The following GAS7 variants were observed in gnomAD, a reference collection of about 807,000 sequenced individuals.
The protein encoded by GAS7 is growth arrest specific 7.
In GAS7, 28 loss-of-function variants were observed where a neutral mutation model predicts 71.1. That is an observed-to-expected ratio of 0.39 (90% CI 0.29 to 0.54). The LOEUF is 0.54. Ranked by LOEUF, GAS7 falls within the 20% of genes least tolerant of loss-of-function variation. GAS7 has a pLI of 0.62. For missense variants in GAS7, 436 were observed against 627.8 expected (o/e 0.69, Z 3.27); for synonymous variants, 258 against 245.8 (o/e 1.05, Z -0.46).
chr17:9,973,699 A>G (rs1166450682), intron 3 of GAS7, among the ~76,000 whole-genome samples: 2 of 152,204 alleles, frequency 1.3e-5, no homozygotes, highest in Non-Finnish European at 2.9e-5. Flanking sequence ...CCTCCCCGCA[A>G]AAGGCACTGC....
chr17:10,020,128 C>G, intron 1 of GAS7: 2 of 448,212 alleles, frequency 4.5e-6, no homozygotes, highest in Non-Finnish European at 8.1e-6. Context: ...GACAGCTCCT[C>G]TGGGAGCAGA....
chr17:9,934,811 T>A (rs904837016), intron 8 of GAS7, among the ~76,000 whole-genome samples: 3 of 152,220 alleles, frequency 2.0e-5, no homozygotes, highest in African/African-American at 7.2e-5. Context: ...TCTTGGCTCA[T>A]GGCAACCTCT....
intron 2 of GAS7, among the ~76,000 whole-genome samples, chr17:10,013,162 C>T (rs1472026239): frequency 6.6e-6 from 1 of 151,782 alleles, no homozygotes; most frequent in Non-Finnish European, 1.5e-5. Flanking sequence ...TTGTCCTTTC[C>T]ACCACGTCAG....
rs2142055716 is a variant in GAS7 at position 10,103,383 on chromosome 17, G to C, written c.184-83486C>G. Among the ~76,000 whole-genome samples the C allele has an allele frequency of 6.6e-6, 1 of 152,252 alleles. No individual in the cohort carries two copies. Among genetic ancestry groups the C allele is most frequent in the African/African-American group, 2.4e-5 (1 of 41,560 alleles). ...CAACCAACCAACCCCCATGTAGTTGGTTTGCACATTTAAATTTGAGAAGCA... is the reference window on the plus strand; with the variant it reads ...CAACCAACCAACCCCCATGTAGTTGCTTTGCACATTTAAATTTGAGAAGCA... On this transcript the variant is annotated intron_variant, in intron 1 of 13. Coordinates refer to ENST00000432992, the MANE Select transcript of GAS7 (RefSeq NM_201433.2). This position sits in a 1 kb window ranked among gnomAD's most constrained non-coding sequence, Gnocchi z 5.5.
rs1567879758 is a variant in GAS7, at chr17:10,005,142, C to CAT, written c.304+14634_304+14635insAT. On this transcript the variant is annotated intron_variant, in intron 2 of 13. Transcript: ENST00000432992. ...GCACGCATACCAGCATGTGTGCGCG[C>CAT]ACGCATGCATGCATGTGTGTGCGCA... Among the ~76,000 whole-genome samples the CAT allele has an allele frequency of 3.4e-3, 247 of 73,156 alleles. 1 individual carries two copies. Among genetic ancestry groups the CAT allele is most frequent in the African/African-American group, 6.8e-3 (234 of 34,582 alleles). The allele number at this position is 73,156 out of a possible 152,430, so 48.0% of individuals were successfully genotyped here. A position where few individuals can be genotyped will look rare whatever the true frequency, so the allele number is the denominator to read the frequency against.
In GAS7 at chr17:10,011,868, A is replaced by G. The variant is rs564966590; in HGVS notation, c.304+7909T>C. On this transcript the variant is annotated intron_variant, in intron 2 of 13. Transcript: ENST00000432992. ...GCACATGCCTGTGGTCCCAGCTACTAGGGAGGCTGAGGCAGGAGAATCGCT... is the reference window on the plus strand; with the variant it reads ...GCACATGCCTGTGGTCCCAGCTACTGGGGAGGCTGAGGCAGGAGAATCGCT... 3.2e-4 allele frequency among the ~76,000 whole-genome samples: 48 copies of G among 151,640 alleles called. No individual in the cohort carries two copies. In the East Asian group the frequency reaches 7.2e-3, roughly 23 times the overall value.
At chr17:9,977,707 C>T (rs1337996243) in intron 3 of GAS7, among the ~76,000 whole-genome samples, 1 of 150,372 alleles carries the variant, frequency 6.7e-6, no homozygotes, top group East Asian at 2.0e-4. Flanking sequence ...CTAAGTAGCA[C>T]CCAACATTCA....
rs1234609875 is a variant in GAS7, at chr17:9,926,663, C to T, written c.992G>A (p.Ser331Asn). 1 of 1,613,796 alleles carries T rather than the reference C, an allele frequency of 6.2e-7. No individual in the cohort carries two copies. ...HIADLRKQLA[S>N]RYASVEKARK... ...CACCTTCTCCACCGAGGCATAGCGG[C>T]TGGCGAGCTGCTTGCGAAGGTCGGC... Residue 331 changes from serine (S) to asparagine (N), a missense_variant, in exon 10 of 14, where the codon AGC becomes AAC. By Grantham distance (46) the Ser-to-Asn change is conservative. Transcript: ENST00000432992. The surrounding 1 kb of genome is among the most constrained non-coding windows in gnomAD (Gnocchi z 5.0).
chr17:9,946,093 AATAC>A (rs1287535968), intron 6 of GAS7, among the ~76,000 whole-genome samples: 1 of 152,192 alleles, frequency 6.6e-6, no homozygotes, highest in Non-Finnish European at 1.5e-5. Context: ...AGTGGTTTTC[AATAC>A]ATTCACAGGG....
At chr17:9,970,854 G>C (rs546309396) in intron 3 of GAS7, among the ~76,000 whole-genome samples, 1 of 152,218 alleles carries the variant, frequency 6.6e-6, no homozygotes, top group South Asian at 2.1e-4. Flanking sequence ...GCCGCTACAC[G>C]CACGCTCCTG....
At chr17:10,188,817 T>G (rs553204826) in intron 1 of GAS7, among the ~76,000 whole-genome samples, 83 of 152,212 alleles carry the variant, frequency 5.5e-4, no homozygotes, top group Non-Finnish European at 1.0e-3. Context: ...TTTTTTGTAT[T>G]TATAGAGAAA....
At chr17:10,123,780 G>A (rs1197064799) in intron 1 of GAS7, among the ~76,000 whole-genome samples, 1 of 152,230 alleles carries the variant, frequency 6.6e-6, no homozygotes, top group African/African-American at 2.4e-5. Context: ...GGAGTCCAAG[G>A]CCCACAGGTA....
intron 1 of GAS7, among the ~76,000 whole-genome samples, chr17:10,159,385 T>C (rs532236683): frequency 5.3e-5 from 8 of 152,142 alleles, no homozygotes; most frequent in Middle Eastern, 3.4e-3. Context: ...CTGTTCATAA[T>C]AGTATGAAAG....
intron 5 of GAS7, among the ~76,000 whole-genome samples, chr17:9,956,679 T>C (rs763633812): frequency 1.3e-5 from 2 of 152,032 alleles, no homozygotes; most frequent in Admixed American, 6.6e-5. Flanking sequence ...TGAAAACCCA[T>C]AGCCTGGGGA....
At chr17:10,124,691 T>C (rs1384794839) in intron 1 of GAS7, among the ~76,000 whole-genome samples, 2 of 152,086 alleles carry the variant, frequency 1.3e-5, no homozygotes, top group South Asian at 4.1e-4. Flanking sequence ...AGCTGAGGCA[T>C]GTGGATCACC....
chr17:10,074,002 C>T (rs992686306), intron 1 of GAS7, among the ~76,000 whole-genome samples: 7 of 152,272 alleles, frequency 4.6e-5, no homozygotes, highest in African/African-American at 9.6e-5. Flanking sequence ...ATATGTCAGG[C>T]GCTGAGAATA....
intron 1 of GAS7, among the ~76,000 whole-genome samples, chr17:10,097,643 T>TGGGCTCTG (rs2073655562): frequency 6.6e-6 from 1 of 152,178 alleles, no homozygotes; most frequent in Non-Finnish European, 1.5e-5. Context: ...ATAACCCATG[T>TGGGCTCTG]GGGCTCTGTG....
At chr17:9,953,758 G>A (rs1294583169) in intron 5 of GAS7, among the ~76,000 whole-genome samples, 1 of 152,236 alleles carries the variant, frequency 6.6e-6, no homozygotes, top group East Asian at 1.9e-4. Context: ...GATATTTCTC[G>A]TGATGGTTTA....
At chr17:10,013,021 T>C (rs1245850842) in intron 2 of GAS7, among the ~76,000 whole-genome samples, 1 of 150,686 alleles carries the variant, frequency 6.6e-6, no homozygotes, top group Non-Finnish European at 1.5e-5. Context: ...GAGAATCGCT[T>C]GAATCCAGGA....
Sources: gnomAD v4.1 joint callset for allele counts (sites outside exome capture counted in the v4.1 genomes callset) on GRCh38, gnomAD v4.1.1 for gene constraint, Gnocchi (gnomAD v3.1) non-coding constraint, MANE v1.5 for transcripts, NCBI Gene and HGNC (gene_info 2026-07-23, HGNC 2026-07-21) for gene names.